Variants in ABHD18 observed in about 807,000 individuals in gnomAD.
ABHD18 encodes the protein cardiolipin-specific deacylase, mitochondrial.
In ABHD18, 55 loss-of-function variants were observed where a neutral mutation model predicts 65.9. That is an observed-to-expected ratio of 0.84 (90% confidence interval 0.67 to 1.05). The LOEUF is 1.05. ABHD18 is among the 50% of genes least tolerant of loss of function. The pLI is 0.00. For synonymous variants in ABHD18, 181 were observed against 180.2 expected, an observed-to-expected ratio of 1.00 and a Z score of -0.04; for missense variants, 533 against 558.5, an observed-to-expected ratio of 0.95 and a Z score of 0.46.
At chr4:128,025,399 G>C (rs1307497437) in intron 10 of ABHD18, among the ~76,000 whole-genome samples, 2 of 151,956 alleles carry the variant, frequency 1.3e-5, no homozygotes, top group African/African-American at 4.8e-5. Flanking sequence ...CAGCCTCCCA[G>C]AGTGCTGGGA....
chr4:127,998,464 C>T (rs1439200485), intron 4 of ABHD18, among the ~76,000 whole-genome samples: 1 of 151,716 alleles, frequency 6.6e-6, no homozygotes, highest in African/African-American at 2.4e-5. Flanking sequence ...TGGTCTCGAT[C>T]TCCTGACCTC....
intron 1 of ABHD18, among the ~76,000 whole-genome samples, chr4:127,967,999 A>C (rs1311985133): frequency 6.6e-6 from 1 of 152,152 alleles, no homozygotes; most frequent in African/African-American, 2.4e-5. Flanking sequence ...AGGCGGGCGG[A>C]TCACGAGGTC....
chr4:127,992,724 G>A (rs918534828), intron 4 of ABHD18, among the ~76,000 whole-genome samples: 5 of 151,548 alleles, frequency 3.3e-5, no homozygotes, highest in South Asian at 2.1e-4. Flanking sequence ...AGTTTTTTTT[G>A]TAGAGATGGG....
At chr4:128,024,779 G>A (rs1757089691) in intron 10 of ABHD18, among the ~76,000 whole-genome samples, 2 of 151,536 alleles carry the variant, frequency 1.3e-5, no homozygotes, top group South Asian at 2.1e-4. Flanking sequence ...CGCAGCCTCC[G>A]CCTCCTGAGT....
intron 1 of ABHD18, among the ~76,000 whole-genome samples, chr4:127,980,441 G>C (rs1176260334): frequency 6.6e-6 from 1 of 152,020 alleles, no homozygotes; most frequent in Non-Finnish European, 1.5e-5. Flanking sequence ...GTGTGTGTAG[G>C]TAAATAAGTA....
At chr4:128,033,306 C>G (rs1161088070) in intron 12 of ABHD18, among the ~76,000 whole-genome samples, 1 of 152,036 alleles carries the variant, frequency 6.6e-6, no homozygotes, top group African/African-American at 2.4e-5. Context: ...TTACTTCTTC[C>G]CTATTGCTGT....
At chr4:127,968,041 C>G (rs554126290) in intron 1 of ABHD18, among the ~76,000 whole-genome samples, 1 of 152,274 alleles carries the variant, frequency 6.6e-6, no homozygotes, top group East Asian at 1.9e-4. Context: ...AACCCCGTCT[C>G]TACTAAAAAT....
At position 127,982,955 on chromosome 4, in the gene ABHD18, G is replaced by A; in HGVS notation, c.-1G>A. On this transcript the variant is annotated 5_prime_UTR_variant, in exon 2 of 13. Coordinates refer to ENST00000645843, the MANE Select transcript of ABHD18 (RefSeq NM_001358451.3). Reference sequence around the variant, plus strand: ...GTTTTATAGATGCTTGTTTGCTACTGATGGGTGTGAGCAAGTTAGATATTC... The same window carrying A: ...GTTTTATAGATGCTTGTTTGCTACTAATGGGTGTGAGCAAGTTAGATATTC... 6.5e-7 allele frequency: 1 copy of A among 1,546,216 alleles called. No individual in the cohort carries two copies. Among genetic ancestry groups the A allele is most frequent in the South Asian group, 1.2e-5 (1 of 80,598 alleles).
chr4:128,003,963 C>A (rs200075527), intron 4 of ABHD18, among the ~76,000 whole-genome samples: 188 of 133,476 alleles, frequency 1.4e-3, no homozygotes, highest in Admixed American at 6.8e-3. Flanking sequence ...AAAAAAAAAA[C>A]AAAAAAAAAC....
At chr4:128,022,200 C>T (rs961069287) in intron 10 of ABHD18, among the ~76,000 whole-genome samples, 2 of 152,162 alleles carry the variant, frequency 1.3e-5, no homozygotes, top group African/African-American at 4.8e-5. Context: ...GCACGTTGTG[C>T]ACATGTACCC....
Position 128,028,603 on chromosome 4 carries a change from AC to A in ABHD18, c.932del (p.Pro311LeufsTer27), listed in dbSNP as rs768746880. 6.8e-6 allele frequency: 11 copies of A among 1,613,884 alleles called. No individual in the cohort carries two copies. Among genetic ancestry groups the A allele is most frequent in the South Asian group, 5.5e-5 (5 of 91,054 alleles). On this transcript the variant is annotated frameshift_variant, in exon 11 of 13. Transcript: ENST00000645843. LOFTEE classifies it high-confidence loss of function. The part of the protein sequence containing the change: ...DISNQVVSQK[P>X]ADCHNSSKTS... ...TATCAAACCAAGTTGTATCCCAAAA[AC>A]CTGCTGACTGCCATAATTCTAGCAA...
intron 4 of ABHD18, among the ~76,000 whole-genome samples, chr4:127,994,327 G>A (rs1001465955): frequency 6.6e-6 from 1 of 152,144 alleles, no homozygotes; most frequent in African/African-American, 2.4e-5. Flanking sequence ...AGGCTTGGTG[G>A]CTCATGCCTG....
chr4:127,999,709 G>A (rs1752347843), intron 4 of ABHD18, among the ~76,000 whole-genome samples: 1 of 152,134 alleles, frequency 6.6e-6, no homozygotes, highest in African/African-American at 2.4e-5. Flanking sequence ...ACGCAAGTTT[G>A]TGAATATTTT....
chr4:128,006,024 C>A (rs1753542454), intron 4 of ABHD18, among the ~76,000 whole-genome samples: 2 of 152,294 alleles, frequency 1.3e-5, no homozygotes, highest in South Asian at 4.1e-4. Flanking sequence ...AAGAGCAAAT[C>A]TCATTGCCCT....
intron 10 of ABHD18, among the ~76,000 whole-genome samples, chr4:128,023,403 CAAAAAAAAAAAAAAAAAA>C (rs59549849): frequency 2.2e-5 from 1 of 44,950 alleles, no homozygotes; most frequent in African/African-American, 9.3e-5. Context: ...CTTGTCTCTA[CAAAAAAAAAAAAAAAAAA>C]AAAAAAAAAA....
chr4:128,024,458 C>G (rs1757032219), intron 10 of ABHD18, among the ~76,000 whole-genome samples: 1 of 152,152 alleles, frequency 6.6e-6, no homozygotes, highest in Non-Finnish European at 1.5e-5. Flanking sequence ...CTTCTCATCT[C>G]ACTTAGAACC....
intron 6 of ABHD18, among the ~76,000 whole-genome samples, chr4:128,011,341 G>T (rs1475056820): frequency 6.6e-6 from 1 of 151,702 alleles, no homozygotes; most frequent in South Asian, 2.1e-4. Context: ...GTAGTGATGG[G>T]GTTTCACCAT....
chr4:127,973,059 G>A (rs1747157003), intron 1 of ABHD18, among the ~76,000 whole-genome samples: 1 of 152,032 alleles, frequency 6.6e-6, no homozygotes, highest in Admixed American at 6.6e-5. Flanking sequence ...TGTCACCCAG[G>A]CTGGAGTGCG....
chr4:128,012,736 C>A lies in ABHD18; in HGVS notation c.470+1036C>A, dbSNP rs138385792. Among the ~76,000 whole-genome samples, 134 of 151,832 alleles carry A rather than the reference C, an allele frequency of 8.8e-4. 2 individuals carry two copies. Among genetic ancestry groups the A allele is most frequent in the African/African-American group, 3.0e-3 (124 of 41,422 alleles). ...AAGTAAATGAAAAGCCCAATGTAAG[C>A]GTCAGGAGGGGAGAGTAGTACAAGA... On this transcript the variant is annotated intron_variant, in intron 7 of 12. Coordinates refer to ENST00000645843, the MANE Select transcript of ABHD18 (RefSeq NM_001358451.3).
Sources: allele counts gnomAD v4.1 joint callset (sites outside exome capture counted in the v4.1 genomes callset), GRCh38; gene constraint gnomAD v4.1.1; transcripts MANE v1.5; gene names NCBI Gene and HGNC (gene_info 2026-07-23, HGNC 2026-07-21).